The following CCM2 variants were observed in gnomAD, a reference collection of about 807,000 sequenced individuals.
CCM2 encodes CCM2 scaffold protein, also known as cerebral cavernous malformations 2 protein.
Under a neutral mutation model 44.9 loss-of-function variants are expected in CCM2, and 25 were observed. The observed-to-expected ratio is 0.56, with a 90% CI of 0.41 to 0.78. The LOEUF is 0.78. Among genes scored for constraint, CCM2 ranks in the 30% least tolerant of loss-of-function variants. The pLI is 0.00. For synonymous variants in CCM2, 219 were observed against 241.1 expected (o/e 0.91, Z 0.85); for missense variants, 481 against 580.6 (o/e 0.83, Z 1.76).
chr7:45,066,227 T>C (rs889528163), intron 4 of CCM2, among the ~76,000 whole-genome samples: 2 of 152,212 alleles, frequency 1.3e-5, no homozygotes. Flanking sequence ...GGGGCCATCT[T>C]CCTTGTTTTT....
At chr7:45,037,920 T>C (rs370609296) in intron 1 of CCM2, among the ~76,000 whole-genome samples, 1 of 152,384 alleles carries the variant, frequency 6.6e-6, no homozygotes, top group South Asian at 2.1e-4. Flanking sequence ...AGTGATGTTA[T>C]GTTTTATCTT....
At chr7:45,067,602 TCA>T (rs1798845776) in intron 4 of CCM2, 1 of 152,334 alleles carries the variant, frequency 6.6e-6, no homozygotes, top group African/African-American at 2.4e-5. Flanking sequence ...TAGTTTGCAC[TCA>T]CACATTTCAA....
chr7:45,075,957 G>A lies in CCM2; in HGVS notation c.1235G>A (p.Arg412Gln), dbSNP rs139366651. ...GNRATGSSDDRSAPSEGDEWD... is the reference protein window; with the variant it reads ...GNRATGSSDDQSAPSEGDEWD... ...AGGGCCACGGGCAGCTCTGATGACC[G>A]GTCGGCACCCTCAGAGGGGGATGAG... is the stretch of plus-strand genomic sequence containing the variant. The change falls in exon 10 of 10, where the codon CGG (arginine) becomes CAG (glutamine). Residue 412 changes from arginine (R) to glutamine (Q), a missense_variant. Physicochemically the swap from Arg to Gln is conservative, Grantham distance 43. Transcript: ENST00000258781. The A allele has an allele frequency of 6.8e-6, 11 of 1,613,036 alleles. No individual in the cohort carries two copies. Among genetic ancestry groups the A allele is most frequent in the African/African-American group, 4.0e-5 (3 of 74,916 alleles).
chr7:45,022,297 T>C (rs1197910554), intron 1 of CCM2, among the ~76,000 whole-genome samples: 6 of 126,820 alleles, frequency 4.7e-5, no homozygotes, highest in Admixed American at 3.1e-4. Context: ...CAGCTTTTTT[T>C]TTTTTTTTTT....
intron 1 of CCM2, among the ~76,000 whole-genome samples, chr7:45,016,513 A>G (rs1412141587): frequency 1.3e-5 from 2 of 151,100 alleles, no homozygotes; most frequent in African/African-American, 2.4e-5. Flanking sequence ...TATTTTTAGT[A>G]GAGACGGGGT....
intron 1 of CCM2, among the ~76,000 whole-genome samples, chr7:45,018,211 G>T (rs1018530529): frequency 1.3e-5 from 2 of 152,120 alleles, no homozygotes; most frequent in African/African-American, 4.8e-5. Flanking sequence ...AATGCTTGCT[G>T]GCCCTCCACT....
chr7:45,022,949 C>T lies in CCM2; in HGVS notation c.31-15304C>T, dbSNP rs574600494. 3.3e-5 allele frequency among the ~76,000 whole-genome samples: 5 copies of T among 151,664 alleles called. No individual in the cohort carries two copies. The South Asian group carries it at 1.0e-3, about 32-fold the overall frequency. ...AGAGACGGGGTTTCACCATGTTGAC[C>T]AGGTTGGTCTCGAACTCCTGAGCTC... On this transcript the variant is annotated intron_variant, in intron 1 of 9. Coordinates refer to ENST00000258781, the MANE Select transcript of CCM2 (RefSeq NM_031443.4).
intron 1 of CCM2, among the ~76,000 whole-genome samples, chr7:45,020,419 C>A (rs564328776): frequency 2.6e-5 from 4 of 151,954 alleles, no homozygotes; most frequent in Admixed American, 1.3e-4. Context: ...TATATAGTTT[C>A]TTTATTCTTC....
chr7:45,048,711 C>T (rs570301338), intron 2 of CCM2, among the ~76,000 whole-genome samples: 16 of 151,696 alleles, frequency 1.1e-4, no homozygotes, highest in Admixed American at 7.9e-4. Context: ...TGCAGTGAGC[C>T]GAGATTGTGC....
chr7:45,065,308 G>T (rs572155186), intron 4 of CCM2, among the ~76,000 whole-genome samples: 9 of 152,336 alleles, frequency 5.9e-5, no homozygotes, highest in African/African-American at 1.9e-4. Flanking sequence ...GAGAGACCAT[G>T]GTTCGCCCTA....
chr7:45,058,493 C>T lies in CCM2; in HGVS notation c.205-5425C>T, dbSNP rs572367739. ...CCTCCCCCCACCCCACAACAGTCCC[C>T]GGTGTGTGATGTTCCCTTTCCTGTG... On this transcript the variant is annotated intron_variant, in intron 2 of 9. Transcript: ENST00000258781. Among the ~76,000 whole-genome samples the T allele has an allele frequency of 1.3e-3, 175 of 139,570 alleles. 1 individual carries two copies. The highest frequency in any genetic ancestry group is 4.3e-3 in the African/African-American group (162 of 37,428). 91.6% of individuals were successfully genotyped at this position (139,570 alleles called of 152,430 possible).
At chr7:45,031,105 A>G (rs1796944733) in intron 1 of CCM2, among the ~76,000 whole-genome samples, 1 of 151,482 alleles carries the variant, frequency 6.6e-6, no homozygotes, top group South Asian at 2.1e-4. Flanking sequence ...GGCCTTGCCC[A>G]GGTGCAGTGG....
At chr7:45,012,898 C>G (rs1331564037) in intron 1 of CCM2, among the ~76,000 whole-genome samples, 4 of 152,078 alleles carry the variant, frequency 2.6e-5, no homozygotes, top group Non-Finnish European at 5.9e-5. Context: ...TTCAACAAGT[C>G]TGGAGTTTTA....
intron 1 of CCM2, among the ~76,000 whole-genome samples, chr7:45,000,840 G>A (rs990664416): frequency 1.3e-5 from 2 of 152,246 alleles, no homozygotes; most frequent in Non-Finnish European, 2.9e-5. Context: ...ATTGATTTTA[G>A]TGACGCTAGC....
intron 1 of CCM2, among the ~76,000 whole-genome samples, chr7:45,037,051 G>A (rs189270483): frequency 1.5e-3 from 224 of 152,240 alleles, no homozygotes; most frequent in Middle Eastern, 3.4e-3. Flanking sequence ...CCTTGCTGCG[G>A]CTGCACATCA....
rs1160382827 is a variant in CCM2 at position 45,072,814 on chromosome 7, G to A, written c.803+31G>A. The stretch of plus-strand genomic sequence containing the variant: ...TGCACATGCCACCAAGCCCTGCGGT[G>A]GGACACGCACCAAATGCGTTGTCTG... On this transcript the variant is annotated intron_variant, in intron 7 of 9. Transcript: ENST00000258781. The A allele has an allele frequency of 2.5e-6, 4 of 1,581,066 alleles. No individual in the cohort carries two copies. The South Asian group carries it at 3.3e-5, about 13-fold the overall frequency.
At chr7:45,003,196 C>T (rs1795716062) in intron 1 of CCM2, among the ~76,000 whole-genome samples, 1 of 152,124 alleles carries the variant, frequency 6.6e-6, no homozygotes, top group Non-Finnish European at 1.5e-5. Context: ...TTGCCTCAGC[C>T]TCCCGAGTAG....
At chr7:45,067,317 C>T (rs909612987) in intron 4 of CCM2, among the ~76,000 whole-genome samples, 3 of 151,864 alleles carry the variant, frequency 2.0e-5, no homozygotes, top group East Asian at 3.9e-4. Context: ...TGAGCCACCA[C>T]GCCCAGCTAA....
intron 1 of CCM2, among the ~76,000 whole-genome samples, chr7:45,020,366 T>A (rs145306418): frequency 6.6e-6 from 1 of 152,338 alleles, no homozygotes; most frequent in African/African-American, 2.4e-5. Context: ...TCTTTGGGTT[T>A]ATTTTTTCTT....
Sources: gnomAD v4.1 joint callset for allele counts (sites outside exome capture counted in the v4.1 genomes callset) on GRCh38, gnomAD v4.1.1 for gene constraint, MANE v1.5 for transcripts, NCBI Gene and HGNC (gene_info 2026-07-23, HGNC 2026-07-21) for gene names.